The following RIMS1 variants were observed in gnomAD, a reference collection of about 807,000 sequenced individuals.
RIMS1 encodes the protein regulating synaptic membrane exocytosis protein 1.
RIMS1 carries 83 observed loss-of-function variants against 214.1 expected under a neutral mutation model. That is an observed-to-expected ratio of 0.39 (90% CI 0.32 to 0.47). The LOEUF (loss-of-function observed/expected upper bound fraction) is 0.47, where lower values mean the gene tolerates loss of function less well. Ranked by LOEUF, RIMS1 falls within the 20% of genes least tolerant of loss-of-function variation. RIMS1 has a pLI of 0.99. For synonymous variants in RIMS1, 793 were observed against 786.8 expected (o/e 1.01, Z -0.13); for missense variants, 2,050 against 2,161.8 (o/e 0.95, Z 1.03).
intron 1 of RIMS1, among the ~76,000 whole-genome samples, chr6:71,944,831 G>A (rs1787291667): frequency 6.6e-6 from 1 of 152,032 alleles, no homozygotes; most frequent in African/African-American, 2.4e-5. Context: ...TATTTATCTA[G>A]ATTATAGAAA....
chr6:72,110,575 T>C (rs1424198460), intron 4 of RIMS1, among the ~76,000 whole-genome samples: 3 of 149,670 alleles, frequency 2.0e-5, no homozygotes, highest in African/African-American at 7.4e-5. Flanking sequence ...TTTGCTGAAG[T>C]TGCTTATCAG....
At chr6:72,340,701 T>C (rs2097046367) in intron 29 of RIMS1, among the ~76,000 whole-genome samples, 1 of 152,140 alleles carries the variant, frequency 6.6e-6, no homozygotes, top group Non-Finnish European at 1.5e-5. Context: ...TAGTATAGTT[T>C]GAAGTCAGGT....
At chr6:71,966,464 G>C (rs1335272288) in intron 1 of RIMS1, among the ~76,000 whole-genome samples, 1 of 152,108 alleles carries the variant, frequency 6.6e-6, no homozygotes, top group Non-Finnish European at 1.5e-5. Context: ...AAACCACTGG[G>C]ACTTGAGATT....
At chr6:71,992,659 T>C (rs2151628746) in intron 2 of RIMS1, among the ~76,000 whole-genome samples, 2 of 151,680 alleles carry the variant, frequency 1.3e-5, no homozygotes, top group East Asian at 3.9e-4. Flanking sequence ...TCTTTTTTCC[T>C]TTTATTTTTT....
Position 72,353,586 on chromosome 6 carries a change from A to G in RIMS1, c.4366+19751A>G, listed in dbSNP as rs115130062. ...AAACGTTTGTTCATGTCCAGGCTTT[A>G]TGAGTTTAATAGACTTTGATGAAGA... On this transcript the variant is annotated intron_variant, in intron 29 of 33. Transcript: ENST00000521978. 3.9e-3 allele frequency among the ~76,000 whole-genome samples: 594 copies of G among 152,350 alleles called. 4 individuals are homozygous for G. Among genetic ancestry groups the G allele is most frequent in the African/African-American group, 0.014 (581 of 41,570 alleles).
At chr6:72,149,000 A>G (rs566276532) in intron 4 of RIMS1, among the ~76,000 whole-genome samples, 3 of 152,146 alleles carry the variant, frequency 2.0e-5, no homozygotes, top group Admixed American at 6.5e-5. Context: ...AAAGGAAAAA[A>G]AAAATCTGCC....
intron 2 of RIMS1, among the ~76,000 whole-genome samples, chr6:72,093,099 T>C (rs1836731044): frequency 6.6e-6 from 1 of 151,808 alleles, no homozygotes; most frequent in Non-Finnish European, 1.5e-5. Context: ...AAAAATAAAC[T>C]ACATCATGTA....
chr6:72,264,407 TG>T (rs1054607259), intron 19 of RIMS1, among the ~76,000 whole-genome samples: 6 of 152,274 alleles, frequency 3.9e-5, no homozygotes, highest in Non-Finnish European at 8.8e-5. Flanking sequence ...TTCCTGTGGT[TG>T]GGTCTGGATC....
intron 4 of RIMS1, among the ~76,000 whole-genome samples, chr6:72,165,900 G>A (rs1008922330): frequency 6.6e-6 from 1 of 152,116 alleles, no homozygotes; most frequent in Non-Finnish European, 1.5e-5. Flanking sequence ...TTATTTGGGG[G>A]AACTGGCACC....
At chr6:71,965,177 G>A (rs1389492263) in intron 1 of RIMS1, among the ~76,000 whole-genome samples, 1 of 152,092 alleles carries the variant, frequency 6.6e-6, no homozygotes, top group Non-Finnish European at 1.5e-5. Context: ...GAACAGAAAT[G>A]TAAATGTCCT....
At position 72,264,579 on chromosome 6, in the gene RIMS1, A is replaced by G. The variant is rs116421247; in HGVS notation, c.3117-396A>G. 3.9e-3 allele frequency among the ~76,000 whole-genome samples: 599 copies of G among 152,164 alleles called. 5 individuals carry two copies. The highest frequency in any genetic ancestry group is 0.014 in the African/African-American group (579 of 41,528). ...TGTTTTAGAACATTAAAATTCTTTTAGTCATATTGTAACTCTAAAATTATA... is the reference window on the plus strand; with the variant it reads ...TGTTTTAGAACATTAAAATTCTTTTGGTCATATTGTAACTCTAAAATTATA... On this transcript the variant is annotated intron_variant, in intron 19 of 33. Transcript: ENST00000521978.
At chr6:72,395,599 T>A (rs970207514) in intron 31 of RIMS1, among the ~76,000 whole-genome samples, 1 of 151,976 alleles carries the variant, frequency 6.6e-6, no homozygotes, top group Admixed American at 6.6e-5. Context: ...CCAGAATTAA[T>A]TGGACACATA....
chr6:72,116,089 T>G (rs2037019408), intron 4 of RIMS1, among the ~76,000 whole-genome samples: 1 of 152,018 alleles, frequency 6.6e-6, no homozygotes, highest in African/African-American at 2.4e-5. Context: ...TGAGGCAGTC[T>G]GGACTAGAGT....
intron 28 of RIMS1, among the ~76,000 whole-genome samples, chr6:72,329,386 C>G (rs937399393): frequency 6.6e-6 from 1 of 151,682 alleles, no homozygotes; most frequent in Non-Finnish European, 1.5e-5. Flanking sequence ...TAATTTTGTA[C>G]ATGTACATAT....
In RIMS1 at chr6:72,333,308, A is replaced by G. The variant is rs140022587; in HGVS notation, c.4131-292A>G. Among the ~76,000 whole-genome samples, 224 of 152,038 alleles carry G rather than the reference A, an allele frequency of 1.5e-3. 1 individual carries two copies. The highest frequency in any genetic ancestry group is 5.1e-3 in the African/African-American group (211 of 41,530). On this transcript the variant is annotated intron_variant, in intron 28 of 33. Coordinates refer to ENST00000521978, the MANE Select transcript of RIMS1 (RefSeq NM_014989.7). ...AACTATACTGTTTACAAAATTGGTC[A>G]GTAACATTCATCTCCCCATGCATGG... is the stretch of plus-strand genomic sequence containing the variant.
At chr6:72,342,918 G>T (rs1345282000) in intron 29 of RIMS1, among the ~76,000 whole-genome samples, 3 of 151,726 alleles carry the variant, frequency 2.0e-5, no homozygotes, top group African/African-American at 7.3e-5. Flanking sequence ...AGCTGAAGGA[G>T]CTTGAGTCAG....
At chr6:72,184,131 G>A (rs2048770109) in intron 6 of RIMS1, among the ~76,000 whole-genome samples, 1 of 152,098 alleles carries the variant, frequency 6.6e-6, no homozygotes, top group African/African-American at 2.4e-5. Flanking sequence ...AAATTGCGTG[G>A]TATCTTGTGG....
chr6:72,237,697 C>A, intron 8 of RIMS1, 126 bp from the exon 9 acceptor site: 2 of 671,850 alleles, frequency 3.0e-6, no homozygotes, highest in South Asian at 2.0e-5. Flanking sequence ...AAAAGTGCTT[C>A]ACTTCATTAA....
intron 12 of RIMS1, 64 bp downstream of exon 12, chr6:72,248,191 T>C: frequency 1.0e-6 from 1 of 967,832 alleles, no homozygotes; most frequent in Non-Finnish European, 1.6e-6. Flanking sequence ...AGTCTGTCTT[T>C]AAATATGTTC....
Sources: allele counts gnomAD v4.1 joint callset (sites outside exome capture counted in the v4.1 genomes callset), GRCh38; gene constraint gnomAD v4.1.1; transcripts MANE v1.5; gene names NCBI Gene and HGNC (gene_info 2026-07-23, HGNC 2026-07-21).